The following DLGAP1 variants were observed in gnomAD, a reference collection of about 807,000 sequenced individuals.
DLGAP1 encodes the protein disks large-associated protein 1.
DLGAP1 carries 11 observed loss-of-function variants against 90.8 expected under a neutral mutation model. The observed-to-expected ratio is 0.12, with a 90% CI of 0.08 to 0.20. The LOEUF (loss-of-function observed/expected upper bound fraction) is 0.20, where lower values mean the gene tolerates loss of function less well. Among genes scored for constraint, DLGAP1 ranks in the 10% least tolerant of loss-of-function variants. DLGAP1 has a pLI of 1.00. For missense variants in DLGAP1, 1,050 were observed against 1,333.8 expected (o/e 0.79, Z 3.31); for synonymous variants, 558 against 540.7 (o/e 1.03, Z -0.44).
In DLGAP1 at chr18:4,277,091, C is replaced by T. The variant is rs182492558; in HGVS notation, c.-266-125804G>A. Among the ~76,000 whole-genome samples the T allele has an allele frequency of 1.1e-4, 16 of 152,240 alleles. No individual in the cohort carries two copies. The East Asian group carries it at 1.9e-3, about 18-fold the overall frequency. On this transcript the variant is annotated intron_variant, in intron 1 of 12. Transcript: ENST00000315677. The stretch of plus-strand genomic sequence containing the variant: ...TTTAAATAAAATCTCATCACCAAAA[C>T]AGTGGGAGGCTTTTTTCCCTGCTAG...
At chr18:3,700,619 T>C (rs1185630165) in intron 7 of DLGAP1, among the ~76,000 whole-genome samples, 1 of 152,184 alleles carries the variant, frequency 6.6e-6, no homozygotes, top group Non-Finnish European at 1.5e-5. Context: ...AAAATTTTAA[T>C]TGTTTTTTGA....
intron 7 of DLGAP1, among the ~76,000 whole-genome samples, chr18:3,600,194 A>G (rs2056816773): frequency 6.6e-6 from 1 of 152,184 alleles, no homozygotes; most frequent in Non-Finnish European, 1.5e-5. Context: ...CTGGATGTTC[A>G]TTAGTTCATC....
At chr18:3,562,006 A>T (rs1213176648) in intron 9 of DLGAP1, among the ~76,000 whole-genome samples, 1 of 150,062 alleles carries the variant, frequency 6.7e-6, no homozygotes, top group Admixed American at 6.6e-5. Flanking sequence ...AGGCGGGAAG[A>T]TCATAAGGTC....
intron 9 of DLGAP1, among the ~76,000 whole-genome samples, chr18:3,551,528 G>A (rs182380182): frequency 6.6e-6 from 1 of 152,164 alleles, no homozygotes; most frequent in South Asian, 2.1e-4. Context: ...GATTACAGGT[G>A]TGTACCACTA....
At chr18:3,757,706 T>C (rs2063774051) in intron 5 of DLGAP1, among the ~76,000 whole-genome samples, 1 of 152,210 alleles carries the variant, frequency 6.6e-6, no homozygotes, top group African/African-American at 2.4e-5. Context: ...CTATTAATGA[T>C]AAAGACTGAA....
intron 2 of DLGAP1, among the ~76,000 whole-genome samples, chr18:4,090,790 C>T (rs894091709): frequency 6.6e-6 from 1 of 152,174 alleles, no homozygotes; most frequent in Non-Finnish European, 1.5e-5. Flanking sequence ...GACACATGCA[C>T]ATGTATGTTC....
intron 7 of DLGAP1, among the ~76,000 whole-genome samples, chr18:3,682,423 C>T (rs1434193718): frequency 1.3e-5 from 2 of 152,186 alleles, no homozygotes; most frequent in Admixed American, 6.5e-5. Flanking sequence ...TGAGAATGGA[C>T]TAATACACAT....
chr18:3,582,091 C>T lies in DLGAP1; in HGVS notation c.1749G>A (p.Gln583=). The change falls in exon 8 of 13, where the codon CAG becomes CAA. Residue 583 remains glutamine, a synonymous_variant. Transcript: ENST00000315677. The part of the protein sequence containing the change: ...GQGQRGDIIS[Q]SGLSNSTESL... ...TCTCGGTGGAGTTGCTGAGTCCAGA[C>T]TGGCTGATAATATCTCCTCGCTGGC... is the stretch of plus-strand genomic sequence containing the variant. 6.2e-7 allele frequency: 1 copy of T among 1,612,524 alleles called. No homozygotes were observed. The highest frequency in any genetic ancestry group is 8.5e-7 in the Non-Finnish European group (1 of 1,179,556).
intron 7 of DLGAP1, chr18:3,598,449 C>T (rs1351101618): frequency 6.8e-6 from 1 of 147,870 alleles, no homozygotes; most frequent in African/African-American, 2.5e-5. Context: ...CCCCAGGGCT[C>T]TTTCCCCCTC....
intron 1 of DLGAP1, among the ~76,000 whole-genome samples, chr18:4,211,796 G>T (rs1445594308): frequency 2.6e-5 from 4 of 152,092 alleles, no homozygotes; most frequent in Non-Finnish European, 4.4e-5. Context: ...GCAAGTGACA[G>T]GTGCTATTCT....
At chr18:4,216,047 C>A (rs1288250076) in intron 1 of DLGAP1, among the ~76,000 whole-genome samples, 3 of 152,114 alleles carry the variant, frequency 2.0e-5, no homozygotes, top group Non-Finnish European at 4.4e-5. Context: ...TAAAGACATA[C>A]CCGAGACTGG....
intron 1 of DLGAP1, among the ~76,000 whole-genome samples, chr18:4,254,037 A>G (rs2078836240): frequency 6.6e-6 from 1 of 152,084 alleles, no homozygotes; most frequent in Non-Finnish European, 1.5e-5. Flanking sequence ...CACATAACCC[A>G]TGATGCACAA....
intron 1 of DLGAP1, among the ~76,000 whole-genome samples, chr18:4,372,452 T>C (rs2081936017): frequency 6.6e-6 from 1 of 152,136 alleles, no homozygotes; most frequent in South Asian, 2.1e-4. Context: ...AAGCTCAAAA[T>C]AGCATGTGCT....
At chr18:4,033,764 G>C (rs1404910775) in intron 2 of DLGAP1, among the ~76,000 whole-genome samples, 3 of 142,370 alleles carry the variant, frequency 2.1e-5, no homozygotes, top group Non-Finnish European at 4.5e-5. Flanking sequence ...TTTTGAGACA[G>C]AGTCTCGCTC....
At chr18:4,392,176 G>C (rs116162647) in intron 1 of DLGAP1, among the ~76,000 whole-genome samples, 1,682 of 152,210 alleles carry the variant, frequency 0.011, 26 homozygotes, top group African/African-American at 0.035. Context: ...AACCCAGATG[G>C]GTAGCCCAAA....
chr18:3,641,713 T>C (rs1244145759), intron 7 of DLGAP1, among the ~76,000 whole-genome samples: 1 of 152,084 alleles, frequency 6.6e-6, no homozygotes, highest in Non-Finnish European at 1.5e-5. Flanking sequence ...CTCTACAGTT[T>C]GAAAGTCCTT....
intron 1 of DLGAP1, among the ~76,000 whole-genome samples, chr18:4,400,584 T>G (rs2082534145): frequency 6.6e-6 from 1 of 152,072 alleles, no homozygotes; most frequent in Admixed American, 6.6e-5. Flanking sequence ...ATACACAGAA[T>G]GTTCTTTGTG....
chr18:4,433,774 T>C (rs2083340726), intron 1 of DLGAP1, among the ~76,000 whole-genome samples: 1 of 152,226 alleles, frequency 6.6e-6, no homozygotes, highest in East Asian at 1.9e-4. Context: ...TATGTGACTG[T>C]CATCTATTTA....
intron 1 of DLGAP1, among the ~76,000 whole-genome samples, chr18:4,283,149 GC>G (rs1229503081): frequency 3.3e-5 from 5 of 152,164 alleles, no homozygotes; most frequent in Non-Finnish European, 7.3e-5. Flanking sequence ...AGTAATGAAT[GC>G]AACAAAGAAT....
Sources: allele counts gnomAD v4.1 joint callset (sites outside exome capture counted in the v4.1 genomes callset), GRCh38; gene constraint gnomAD v4.1.1; transcripts MANE v1.5; gene names NCBI Gene and HGNC (gene_info 2026-07-23, HGNC 2026-07-21).